Variants in WDR26 observed in about 807,000 individuals in gnomAD.
WDR26 encodes the protein WD repeat domain 26.
In WDR26, 5 loss-of-function variants were observed where a neutral mutation model predicts 84.1. The observed-to-expected ratio is 0.06, with a 90% CI of 0.03 to 0.13. The LOEUF (loss-of-function observed/expected upper bound fraction) is 0.13, where lower values mean the gene tolerates loss of function less well. WDR26 is among the 10% of genes least tolerant of loss of function. The pLI is 1.00. For synonymous variants in WDR26, 415 were observed against 389.6 expected (o/e 1.07, Z -0.77); for missense variants, 642 against 974.9 (o/e 0.66, Z 4.55).
chr1:224,408,385 T>C (rs1673640689), intron 7 of WDR26, among the ~76,000 whole-genome samples: 1 of 152,232 alleles, frequency 6.6e-6, no homozygotes, highest in Non-Finnish European at 1.5e-5. Context: ...TTAGTCTGTC[T>C]ACAGCAAAAG....
intron 4 of WDR26, among the ~76,000 whole-genome samples, chr1:224,423,183 T>C (rs1445909450): frequency 2.6e-5 from 4 of 152,380 alleles, no homozygotes; most frequent in Admixed American, 1.3e-4. Flanking sequence ...TTATATAAAA[T>C]CATGACATCT....
In WDR26 at chr1:224,389,715, C is replaced by A; in HGVS notation, c.*120G>T. On this transcript the variant is annotated 3_prime_UTR_variant, in exon 14 of 14. Coordinates refer to ENST00000414423, the MANE Select transcript of WDR26 (RefSeq NM_001379403.1). The stretch of plus-strand genomic sequence containing the variant: ...CCCCAATCGGGCTTCAGAAATGGTT[C>A]TTTTTTCATGACGAGCATGTCTGTC... 1 of 1,102,490 alleles carries A rather than the reference C, an allele frequency of 9.1e-7. No individual in the cohort carries two copies. The highest frequency in any genetic ancestry group is 1.4e-6 in the Non-Finnish European group (1 of 732,770). The allele number at this position is 1,102,490 out of a possible 1,614,324, so 68.3% of individuals were successfully genotyped here.
intron 4 of WDR26, among the ~76,000 whole-genome samples, chr1:224,421,928 C>T (rs1674075948): frequency 6.6e-6 from 1 of 152,138 alleles, no homozygotes; most frequent in Non-Finnish European, 1.5e-5. Context: ...GTTTCCTTAT[C>T]TGCAAGGAAT....
chr1:224,416,198 T>C (rs1463419456), intron 6 of WDR26, among the ~76,000 whole-genome samples: 1 of 151,870 alleles, frequency 6.6e-6, no homozygotes, highest in Non-Finnish European at 1.5e-5. Context: ...ATGCTTTCAT[T>C]CCTCTGTAAA....
intron 13 of WDR26, among the ~76,000 whole-genome samples, chr1:224,391,240 C>A (rs1323315894): frequency 6.6e-6 from 1 of 151,416 alleles, no homozygotes; most frequent in Non-Finnish European, 1.5e-5. Flanking sequence ...GTGATGCATG[C>A]CTGTAATCCC....
chr1:224,412,904 G>C (rs1262297015), intron 6 of WDR26: 4 of 152,448 alleles, frequency 2.6e-5, no homozygotes, highest in Non-Finnish European at 1.5e-5. Flanking sequence ...CGTTATTTGA[G>C]TAGGCTGGGC....
In WDR26 at chr1:224,393,851, A is replaced by T. The variant is rs747757963; in HGVS notation, c.2237T>A (p.Phe746Tyr). ...ACCTTCAATATTCTGGTGGTCTATA[A>T]AAGGTGCTGGTCCCCATATTCTAAC... is the stretch of plus-strand genomic sequence containing the variant. Residue 746 changes from phenylalanine (F) to tyrosine (Y), a missense_variant, in exon 13 of 14, where the codon TTT becomes TAT. This residue lies in a region of WDR26 where 351 missense variants were observed against 672.8 expected (regional missense o/e 0.52). Coordinates refer to ENST00000414423, the MANE Select transcript of WDR26 (RefSeq NM_001379403.1). The T allele has an allele frequency of 6.4e-7, 1 of 1,550,864 alleles. No individual in the cohort carries two copies. The highest frequency in any genetic ancestry group is 1.2e-5 in the South Asian group (1 of 85,144).
rs1674565588 is a variant in WDR26, at chr1:224,434,769, GTT to G, written c.-366_-365del. On this transcript the variant is annotated 5_prime_UTR_variant, in exon 1 of 14. Coordinates refer to ENST00000414423, the MANE Select transcript of WDR26 (RefSeq NM_001379403.1). ...TCCGCTCCGCTCTGCTCCCTGGTGTGTTGATTCTTCCCCCAGCTGCTGCCTAA... is the reference window on the plus strand; with the variant it reads ...TCCGCTCCGCTCTGCTCCCTGGTGTGGATTCTTCCCCCAGCTGCTGCCTAA... The G allele has an allele frequency of 6.1e-6, 6 of 986,452 alleles. No homozygotes were observed. Among genetic ancestry groups the G allele is most frequent in the Non-Finnish European group, 7.2e-6 (6 of 830,298 alleles). 61.1% of individuals were successfully genotyped at this position (986,452 alleles called of 1,614,324 possible).
At chr1:224,417,717 C>T (rs1450658570) in intron 6 of WDR26, among the ~76,000 whole-genome samples, 2 of 152,122 alleles carry the variant, frequency 1.3e-5, no homozygotes, top group African/African-American at 4.8e-5. Flanking sequence ...CCAACAAAAA[C>T]ATCAAGAACA....
At chr1:224,421,088 C>T (rs917517487) in intron 4 of WDR26, among the ~76,000 whole-genome samples, 19 of 152,148 alleles carry the variant, frequency 1.2e-4, no homozygotes, top group African/African-American at 4.6e-4. Context: ...CAGAAAGTCA[C>T]ATGGTACAAC....
intron 8 of WDR26, among the ~76,000 whole-genome samples, chr1:224,402,421 G>T (rs965936507): frequency 6.6e-6 from 1 of 152,146 alleles, no homozygotes; most frequent in Non-Finnish European, 1.5e-5. Context: ...GAAATGGTTT[G>T]TCTTCTCTTA....
chr1:224,415,037 C>A (rs1488407760), intron 6 of WDR26, among the ~76,000 whole-genome samples: 3 of 152,096 alleles, frequency 2.0e-5, no homozygotes, highest in Non-Finnish European at 4.4e-5. Flanking sequence ...TAAAAAATAA[C>A]TAAGTAAATT....
intron 3 of WDR26, among the ~76,000 whole-genome samples, chr1:224,425,534 T>C (rs940551307): frequency 6.6e-6 from 1 of 152,252 alleles, no homozygotes; most frequent in African/African-American, 2.4e-5. Context: ...TTTAATACTT[T>C]TAAATGCTAC....
intron 4 of WDR26, among the ~76,000 whole-genome samples, chr1:224,424,208 T>C (rs1166353149): frequency 6.6e-6 from 1 of 152,256 alleles, no homozygotes; most frequent in East Asian, 1.9e-4. Flanking sequence ...CCATATCATA[T>C]GATTTTTATT....
rs1674528831 is a variant in WDR26, at chr1:224,434,226, G to GGACGAGGAC, written c.171_179dup (p.Ser65_Ser67dup). ...CCACGGAGGAGGAGGAGGAGGAGGA[G>GGACGAGGAC]GACGAGGACGACGAGGACGGAGGGG... is the stretch of plus-strand genomic sequence containing the variant. On this transcript the variant is annotated inframe_insertion, in exon 1 of 14. Coordinates refer to ENST00000414423, the MANE Select transcript of WDR26 (RefSeq NM_001379403.1). The GGACGAGGAC allele has an allele frequency of 1.7e-5, 24 of 1,389,930 alleles. No homozygotes were observed. Among genetic ancestry groups the GGACGAGGAC allele is most frequent in the East Asian group, 5.3e-5 (2 of 37,856 alleles). The allele number at this position is 1,389,930 out of a possible 1,614,324, so 86.1% of individuals were successfully genotyped here.
At chr1:224,417,566 T>C (rs1250111320) in intron 6 of WDR26, among the ~76,000 whole-genome samples, 1 of 152,164 alleles carries the variant, frequency 6.6e-6, no homozygotes, top group Non-Finnish European at 1.5e-5. Flanking sequence ...TAGCCAGGCA[T>C]GGTAGTGCAT....
intron 6 of WDR26, among the ~76,000 whole-genome samples, chr1:224,417,259 A>T (rs1673932037): frequency 6.6e-6 from 1 of 152,180 alleles, no homozygotes; most frequent in African/African-American, 2.4e-5. Context: ...TGTTACTTTC[A>T]TTAGTTCTTT....
chr1:224,419,729 T>C (rs945242638), intron 4 of WDR26, 114 bp from the exon 5 acceptor site: 32 of 752,030 alleles, frequency 4.3e-5, no homozygotes, highest in Non-Finnish European at 6.3e-5. Flanking sequence ...TGTCAAGAAA[T>C]TTCTACAGTG....
At chr1:224,411,602 C>A in intron 6 of WDR26, 37 bp from the exon 7 acceptor site, 2 of 1,535,094 alleles carry the variant, frequency 1.3e-6, no homozygotes, top group Non-Finnish European at 8.7e-7. Context: ...TCTTTCAAAA[C>A]AGATTAGAGT....
Sources: gnomAD v4.1 joint callset for allele counts (sites outside exome capture counted in the v4.1 genomes callset) on GRCh38, gnomAD v4.1.1 for gene constraint, gnomAD v4.1.1 regional missense constraint, MANE v1.5 for transcripts, NCBI Gene and HGNC (gene_info 2026-07-23, HGNC 2026-07-21) for gene names.